RIT2: variants seen among roughly 807,000 people sequenced by gnomAD.
The protein encoded by RIT2 is GTP-binding protein Rit2.
RIT2 carries 24 observed loss-of-function variants against 23.7 expected under a neutral mutation model. The observed-to-expected ratio is 1.01, with a 90% CI of 0.73 to 1.43. The LOEUF (loss-of-function observed/expected upper bound fraction) is 1.43. RIT2 is among the 40% of genes most tolerant of loss of function. The pLI, the probability that RIT2 is intolerant of heterozygous loss-of-function variation, is 0.00. For missense variants in RIT2, 236 were observed against 266.9 expected (o/e 0.88, Z 0.81); for synonymous variants, 107 against 91.1 (o/e 1.17, Z -0.99).
chr18:43,000,726 C>T (rs187400121), intron 2 of RIT2, among the ~76,000 whole-genome samples: 1 of 151,908 alleles, frequency 6.6e-6, no homozygotes, highest in Non-Finnish European at 1.5e-5. Context: ...ACTCCCACCC[C>T]CCTGCAGCCA....
At chr18:43,013,570 A>C (rs1179026197) in intron 2 of RIT2, among the ~76,000 whole-genome samples, 1 of 151,780 alleles carries the variant, frequency 6.6e-6, no homozygotes, top group African/African-American at 2.4e-5. Flanking sequence ...AGATTACAGG[A>C]GCATTTCTGT....
At chr18:42,761,276 A>G (rs527607777) in intron 4 of RIT2, among the ~76,000 whole-genome samples, 9 of 152,082 alleles carry the variant, frequency 5.9e-5, no homozygotes, top group Non-Finnish European at 1.2e-4. Flanking sequence ...TTATCCTTAC[A>G]GGTTTTCTAA....
At chr18:43,051,394 G>T (rs1292486664) in intron 1 of RIT2, among the ~76,000 whole-genome samples, 1 of 152,042 alleles carries the variant, frequency 6.6e-6, no homozygotes, top group East Asian at 1.9e-4. Flanking sequence ...AATAGATGAG[G>T]TATGGAAGAT....
chr18:42,903,959 G>T (rs1159900300), intron 4 of RIT2, among the ~76,000 whole-genome samples: 1 of 151,914 alleles, frequency 6.6e-6, no homozygotes, highest in South Asian at 2.1e-4. Context: ...AAAAGTCCAA[G>T]AATTTAAAAG....
chr18:43,037,942 T>C (rs9961423), intron 1 of RIT2, among the ~76,000 whole-genome samples: 123,630 of 151,894 alleles, frequency 0.81, 51,562 homozygotes, highest in Non-Finnish European at 0.93. Context: ...CCGTGGCTCA[T>C]GCCTGTAATC....
rs569216466 is a variant in RIT2 at position 42,942,564 on chromosome 18, C to T, written c.235-18801G>A. ...GGAAAAAATATCTGGCCACCGTCTG[C>T]GTGGAGTTTGCACATTCTCCCCATG... On this transcript the variant is annotated intron_variant, in intron 3 of 4. Coordinates refer to ENST00000326695, the MANE Select transcript of RIT2 (RefSeq NM_002930.4). Among the ~76,000 whole-genome samples, 8 of 152,164 alleles carry T rather than the reference C, an allele frequency of 5.3e-5. No homozygotes were observed. The East Asian group carries it at 7.8e-4, about 15-fold the overall frequency.
At chr18:42,962,202 T>C (rs1396299844) in intron 3 of RIT2, among the ~76,000 whole-genome samples, 7 of 152,240 alleles carry the variant, frequency 4.6e-5, no homozygotes, top group Admixed American at 4.6e-4. Flanking sequence ...AATTTTATTT[T>C]AAAATCAAAG....
At chr18:42,999,596 A>G (rs4890242) in intron 2 of RIT2, among the ~76,000 whole-genome samples, 145,055 of 152,126 alleles carry the variant, frequency 0.95, 69,526 homozygotes, top group East Asian at 1. Context: ...GAGAGTTCCA[A>G]AAATCGAAAT....
chr18:42,933,104 C>A (rs1909366968), intron 3 of RIT2, among the ~76,000 whole-genome samples: 1 of 151,844 alleles, frequency 6.6e-6, no homozygotes, highest in Admixed American at 6.6e-5. Context: ...TTAAAAAATT[C>A]AATTAAATTG....
intron 1 of RIT2, among the ~76,000 whole-genome samples, chr18:43,106,678 G>T (rs1166794765): frequency 6.6e-6 from 1 of 152,158 alleles, no homozygotes; most frequent in South Asian, 2.1e-4. Context: ...GAAGAATCAG[G>T]TTTCTATCTG....
chr18:42,754,290 A>T (rs1051852510), intron 4 of RIT2, among the ~76,000 whole-genome samples: 7 of 151,934 alleles, frequency 4.6e-5, no homozygotes, highest in African/African-American at 1.7e-4. Flanking sequence ...GGTATCAAAA[A>T]CTCAGATTTC....
chr18:42,934,039 G>GAAAAAAAAAAAAA (rs5824459), intron 3 of RIT2, among the ~76,000 whole-genome samples: 1 of 130,758 alleles, frequency 7.6e-6, no homozygotes. Flanking sequence ...AAAAAAAAAA[G>GAAAAAAAAAAAAA]AAAAAAAAAA....
At chr18:42,943,484 T>C (rs1332709147) in intron 3 of RIT2, among the ~76,000 whole-genome samples, 1 of 152,114 alleles carries the variant, frequency 6.6e-6, no homozygotes, top group Non-Finnish European at 1.5e-5. Flanking sequence ...TTGCAAATAC[T>C]TATTCCTTGA....
intron 1 of RIT2, among the ~76,000 whole-genome samples, chr18:43,110,042 T>C (rs1240028040): frequency 2.6e-5 from 4 of 152,184 alleles, no homozygotes; most frequent in African/African-American, 4.8e-5. Flanking sequence ...TGTGCTTAGA[T>C]ACCTCTCCTA....
chr18:42,935,864 T>C (rs1192023888), intron 3 of RIT2, among the ~76,000 whole-genome samples: 1 of 152,048 alleles, frequency 6.6e-6, no homozygotes, highest in East Asian at 1.9e-4. Context: ...GAGGTCCGGA[T>C]TGGCTATCCA....
At chr18:43,060,533 G>A (rs1188388892) in intron 1 of RIT2, among the ~76,000 whole-genome samples, 1 of 152,136 alleles carries the variant, frequency 6.6e-6, no homozygotes, top group Non-Finnish European at 1.5e-5. Context: ...CATTATTCCA[G>A]AACGTATTGG....
At chr18:42,786,840 G>A (rs962974182) in intron 4 of RIT2, among the ~76,000 whole-genome samples, 1 of 151,890 alleles carries the variant, frequency 6.6e-6, no homozygotes, top group Non-Finnish European at 1.5e-5. Context: ...TTTTGCTCCC[G>A]AGAACTTCCC....
At chr18:43,075,237 C>A (rs569308314) in intron 1 of RIT2, among the ~76,000 whole-genome samples, 1 of 152,244 alleles carries the variant, frequency 6.6e-6, no homozygotes, top group South Asian at 2.1e-4. Flanking sequence ...AAATCAGCAG[C>A]TCTTCCTTTT....
At chr18:42,863,140 G>A (rs1479547301) in intron 4 of RIT2, among the ~76,000 whole-genome samples, 7 of 151,692 alleles carry the variant, frequency 4.6e-5, no homozygotes, top group African/African-American at 1.7e-4. Context: ...GTAGACTAAT[G>A]TTTATAAATT....
Sources: allele counts gnomAD v4.1 joint callset (sites outside exome capture counted in the v4.1 genomes callset), GRCh38; gene constraint gnomAD v4.1.1; transcripts MANE v1.5; gene names NCBI Gene and HGNC (gene_info 2026-07-23, HGNC 2026-07-21).